PDE1A: variants seen among roughly 807,000 people sequenced by gnomAD.
PDE1A encodes dual specificity calcium/calmodulin-dependent 3',5'-cyclic nucleotide phosphodiesterase 1A.
In PDE1A, 35 loss-of-function variants were observed where a neutral mutation model predicts 61.7. The observed-to-expected ratio is 0.57, with a 90% confidence interval of 0.43 to 0.75. The LOEUF (loss-of-function observed/expected upper bound fraction) is 0.75, where lower values mean the gene tolerates loss of function less well. Among genes scored for constraint, PDE1A ranks in the 30% least tolerant of loss-of-function variants. The pLI, the probability that PDE1A is intolerant of heterozygous loss-of-function variation, is 0.00. For synonymous variants in PDE1A, 232 were observed against 213.2 expected (o/e 1.09, Z -0.77); for missense variants, 597 against 630.6 (o/e 0.95, Z 0.57).
At chr2:182,489,544 AC>A (rs1461318318) in intron 2 of PDE1A, among the ~76,000 whole-genome samples, 3 of 152,176 alleles carry the variant, frequency 2.0e-5, no homozygotes, top group Admixed American at 6.5e-5. Flanking sequence ...GGGAGGTTGC[AC>A]TGGATGTGGT....
intron 13 of PDE1A, among the ~76,000 whole-genome samples, chr2:182,155,286 G>A (rs945795260): frequency 3.3e-5 from 5 of 151,586 alleles, no homozygotes; most frequent in Non-Finnish European, 5.9e-5. Flanking sequence ...ATGGGGTTTC[G>A]TCATGTTGCC....
chr2:182,260,756 C>T (rs961811353), intron 2 of PDE1A, among the ~76,000 whole-genome samples: 1 of 152,172 alleles, frequency 6.6e-6, no homozygotes, highest in Non-Finnish European at 1.5e-5. Context: ...ACAATCAGTA[C>T]ACCACTGGGG....
intron 1 of PDE1A, among the ~76,000 whole-genome samples, chr2:182,331,523 G>A (rs1697407930): frequency 6.6e-6 from 1 of 152,194 alleles, no homozygotes; most frequent in Admixed American, 6.5e-5. Flanking sequence ...TCCTTCAGGA[G>A]CTCTTGTAAG....
chr2:182,408,217 C>A (rs1229524871), intron 1 of PDE1A, among the ~76,000 whole-genome samples: 1 of 146,384 alleles, frequency 6.8e-6, no homozygotes, highest in Non-Finnish European at 1.5e-5. Context: ...CTACCTAAAT[C>A]CCTCCCACCT....
At chr2:182,270,664 G>T (rs1231056594) in intron 1 of PDE1A, among the ~76,000 whole-genome samples, 1 of 151,044 alleles carries the variant, frequency 6.6e-6, no homozygotes, top group Non-Finnish European at 1.5e-5. Flanking sequence ...GGATATGGTT[G>T]TAAGAAATCC....
At chr2:182,461,251 C>T (rs1686268571) in intron 2 of PDE1A, among the ~76,000 whole-genome samples, 1 of 152,040 alleles carries the variant, frequency 6.6e-6, no homozygotes, top group Non-Finnish European at 1.5e-5. Flanking sequence ...TCCACTCTGG[C>T]ACATATGACT....
At chr2:182,573,892 C>T in the PDE1A span, among the ~76,000 whole-genome samples, 1 of 139,766 alleles carries the variant, frequency 7.2e-6, no homozygotes, top group Non-Finnish European at 1.5e-5. Flanking sequence ...AATATATATA[C>T]ATATGTATAT....
intron 6 of PDE1A, among the ~76,000 whole-genome samples, chr2:182,228,402 A>C (rs1689305218): frequency 6.6e-6 from 1 of 152,136 alleles, no homozygotes; most frequent in Non-Finnish European, 1.5e-5. Context: ...TAAATGTCAC[A>C]CTGATAGGGC....
intron 1 of PDE1A, among the ~76,000 whole-genome samples, chr2:182,421,827 A>G (rs1452422956): frequency 6.6e-6 from 1 of 152,232 alleles, no homozygotes; most frequent in Non-Finnish European, 1.5e-5. Flanking sequence ...TTCAAAAATC[A>G]GTAAGTTACT....
chr2:182,237,814 A>T (rs1414572728), intron 3 of PDE1A, among the ~76,000 whole-genome samples: 1 of 152,198 alleles, frequency 6.6e-6, no homozygotes, highest in African/African-American at 2.4e-5. Flanking sequence ...GAATGGCTCC[A>T]AGGCAGGAAA....
At chr2:182,437,956 G>A (rs1684546411) in intron 2 of PDE1A, among the ~76,000 whole-genome samples, 1 of 151,820 alleles carries the variant, frequency 6.6e-6, no homozygotes, top group African/African-American at 2.4e-5. Context: ...TGTTTTGAAT[G>A]TACACATTGT....
At chr2:182,654,799 T>C in the PDE1A span, among the ~76,000 whole-genome samples, 1 of 152,234 alleles carries the variant, frequency 6.6e-6, no homozygotes, top group African/African-American at 2.4e-5. Context: ...CCATCCCATC[T>C]GACATCAGTC....
chr2:182,268,808 G>T (rs1456103358), intron 1 of PDE1A, among the ~76,000 whole-genome samples: 1 of 151,990 alleles, frequency 6.6e-6, no homozygotes, highest in Admixed American at 6.6e-5. Context: ...CCTGTTCATT[G>T]TGATCACTCC....
At chr2:182,209,013 T>C (rs1192291034) in intron 7 of PDE1A, among the ~76,000 whole-genome samples, 1 of 152,178 alleles carries the variant, frequency 6.6e-6, no homozygotes, top group East Asian at 1.9e-4. Context: ...TTTTGGGGAC[T>C]GTTGGGAAGG....
At chr2:182,565,071 T>C in the PDE1A span, among the ~76,000 whole-genome samples, 1 of 152,216 alleles carries the variant, frequency 6.6e-6, no homozygotes, top group Non-Finnish European at 1.5e-5. Context: ...TCATTCTCCA[T>C]CCAGCTTTGT....
the PDE1A span, among the ~76,000 whole-genome samples, chr2:182,707,699 T>C: frequency 6.6e-6 from 1 of 152,300 alleles, no homozygotes; most frequent in African/African-American, 2.4e-5. Context: ...ATGGATTCTA[T>C]CAAATACTTA....
At chr2:182,531,669 C>A in the PDE1A span, among the ~76,000 whole-genome samples, 12,355 of 152,092 alleles carry the variant, frequency 0.081, 1,639 homozygotes, top group African/African-American at 0.28. Context: ...GAGAAGCAAA[C>A]AAGTTCACAT....
intron 7 of PDE1A, among the ~76,000 whole-genome samples, chr2:182,211,901 A>G (rs1043117346): frequency 1.3e-5 from 2 of 152,056 alleles, no homozygotes; most frequent in African/African-American, 4.8e-5. Context: ...TTTTTGGTCA[A>G]TTCTTCCAGA....
At chr2:182,499,322 G>A (rs1349504179) in intron 2 of PDE1A, among the ~76,000 whole-genome samples, 1 of 151,826 alleles carries the variant, frequency 6.6e-6, no homozygotes, top group Non-Finnish European at 1.5e-5. Flanking sequence ...GACTACAGGC[G>A]CCCGCAACTG....
Sources: allele counts gnomAD v4.1 joint callset (sites outside exome capture counted in the v4.1 genomes callset), GRCh38; gene constraint gnomAD v4.1.1; transcripts MANE v1.5; gene names NCBI Gene and HGNC (gene_info 2026-07-23, HGNC 2026-07-21).